The following XRCC4 variants were observed in gnomAD, a reference collection of about 807,000 sequenced individuals.
XRCC4 encodes DNA repair protein XRCC4.
Under a neutral mutation model 39.1 loss-of-function variants are expected in XRCC4, and 28 were observed. The observed-to-expected ratio is 0.72, with a 90% CI of 0.53 to 0.98. The LOEUF (loss-of-function observed/expected upper bound fraction) is 0.98. Among genes scored for constraint, XRCC4 ranks in the 50% least tolerant of loss-of-function variants. The pLI is 0.00. For missense variants in XRCC4, 350 were observed against 376.4 expected (o/e 0.93, Z 0.58); for synonymous variants, 123 against 126.4 (o/e 0.97, Z 0.18).
intron 7 of XRCC4, among the ~76,000 whole-genome samples, chr5:83,296,951 TACAG>T (rs1436542103): frequency 6.6e-6 from 1 of 151,934 alleles, no homozygotes; most frequent in Non-Finnish European, 1.5e-5. Context: ...GGTGCAATCT[TACAG>T]ACAATTGCCA....
At chr5:83,349,243 A>G (rs985775910) in intron 7 of XRCC4, among the ~76,000 whole-genome samples, 8 of 151,856 alleles carry the variant, frequency 5.3e-5, no homozygotes, top group African/African-American at 1.9e-4. Context: ...TGATCCAATC[A>G]CCTCCCAACA....
chr5:83,312,187 G>A (rs975257690), intron 7 of XRCC4, among the ~76,000 whole-genome samples: 6 of 152,164 alleles, frequency 3.9e-5, no homozygotes, highest in African/African-American at 1.4e-4. Context: ...TGAGTTAAGA[G>A]GATACCCTTT....
At chr5:83,247,593 A>T (rs1168799142) in intron 6 of XRCC4, among the ~76,000 whole-genome samples, 1 of 152,226 alleles carries the variant, frequency 6.6e-6, no homozygotes, top group Non-Finnish European at 1.5e-5. Context: ...TATGTCATCC[A>T]CAGAAGATCA....
intron 3 of XRCC4, among the ~76,000 whole-genome samples, chr5:83,129,329 G>T (rs1409276149): frequency 7.9e-5 from 12 of 151,424 alleles, no homozygotes; most frequent in African/African-American, 2.9e-4. Flanking sequence ...TGTTCCATTG[G>T]TCTATACCTC....
intron 5 of XRCC4, among the ~76,000 whole-genome samples, chr5:83,203,993 A>T (rs1429877583): frequency 1.3e-5 from 2 of 151,682 alleles, no homozygotes; most frequent in Non-Finnish European, 2.9e-5. Context: ...ATACTAATTT[A>T]AAAAAAAACT....
downstream of XRCC4, among the ~76,000 whole-genome samples, chr5:83,354,078 G>A (rs1757161344): frequency 6.6e-6 from 1 of 152,130 alleles, no homozygotes; most frequent in Non-Finnish European, 1.5e-5. Flanking sequence ...GCTACTCAAA[G>A]TTAACAACAT....
At chr5:83,147,527 GA>G (rs1208967702) in intron 3 of XRCC4, among the ~76,000 whole-genome samples, 1 of 152,132 alleles carries the variant, frequency 6.6e-6, no homozygotes, top group East Asian at 1.9e-4. Flanking sequence ...GCAGAGAGTA[GA>G]ATGATGGTTA....
intron 3 of XRCC4, among the ~76,000 whole-genome samples, chr5:83,178,643 G>A (rs974470313): frequency 4.0e-5 from 6 of 151,790 alleles, no homozygotes; most frequent in African/African-American, 1.5e-4. Flanking sequence ...AAGGGGAGGA[G>A]GAAGGCAGTA....
intron 3 of XRCC4, among the ~76,000 whole-genome samples, chr5:83,114,665 C>T (rs1746622942): frequency 6.6e-6 from 1 of 152,168 alleles, no homozygotes; most frequent in African/African-American, 2.4e-5. Context: ...GTCTTCTGAG[C>T]CCTCAAGTCT....
chr5:83,135,470 A>T (rs7738033), intron 3 of XRCC4, among the ~76,000 whole-genome samples: 85,178 of 151,152 alleles, frequency 0.56, 24,783 homozygotes, highest in African/African-American at 0.71. Flanking sequence ...ATAATATGCC[A>T]TGATGTAGTT....
At chr5:83,282,049 C>T (rs1212434143) in intron 7 of XRCC4, among the ~76,000 whole-genome samples, 1 of 152,112 alleles carries the variant, frequency 6.6e-6, no homozygotes, top group Non-Finnish European at 1.5e-5. Context: ...GCCTATTTGG[C>T]ATCATAAATA....
At chr5:83,139,453 TTAA>T (rs1748063987) in intron 3 of XRCC4, among the ~76,000 whole-genome samples, 1 of 152,232 alleles carries the variant, frequency 6.6e-6, no homozygotes, top group South Asian at 2.1e-4. Context: ...CCTTTTGTAA[TTAA>T]TAAGTATCTT....
intron 7 of XRCC4, among the ~76,000 whole-genome samples, chr5:83,352,845 T>A (rs1757119415): frequency 6.6e-6 from 1 of 152,186 alleles, no homozygotes; most frequent in African/African-American, 2.4e-5. Context: ...TAAAAGTGAT[T>A]ATAGCACAGA....
intron 7 of XRCC4, among the ~76,000 whole-genome samples, chr5:83,272,185 G>C (rs1288441152): frequency 6.6e-6 from 1 of 152,102 alleles, no homozygotes; most frequent in Admixed American, 6.5e-5. Context: ...CAAGCTAAAA[G>C]AGCCTAAGTT....
intron 4 of XRCC4, among the ~76,000 whole-genome samples, chr5:83,198,866 G>A (rs1486489796): frequency 1.3e-5 from 2 of 152,146 alleles, no homozygotes; most frequent in African/African-American, 4.8e-5. Context: ...TGTAGATAAA[G>A]GAGGAAACAT....
chr5:83,112,775 C>G (rs991265080), intron 3 of XRCC4, among the ~76,000 whole-genome samples: 4 of 123,206 alleles, frequency 3.2e-5, no homozygotes, highest in African/African-American at 9.7e-5. Flanking sequence ...ATCATTAGAT[C>G]TCATGAGACT....
chr5:83,309,755 CAAAAAAAAAAAAA>C lies in XRCC4; in HGVS notation c.894-43362_894-43350del, dbSNP rs10597317. Among the ~76,000 whole-genome samples, 5 of 79,052 alleles carry C rather than the reference CAAAAAAAAAAAAA, an allele frequency of 6.3e-5. 1 individual carries two copies. Among genetic ancestry groups the C allele is most frequent in the African/African-American group, 2.2e-4 (5 of 22,236 alleles). The allele number at this position is 79,052 out of a possible 152,430, so 51.9% of individuals were successfully genotyped here. On this transcript the variant is annotated intron_variant, in intron 7 of 7. Coordinates refer to ENST00000396027, the MANE Select transcript of XRCC4 (RefSeq NM_003401.5). ...CTGGGCGACAGAGTGAGACCCGTCT[CAAAAAAAAAAAAA>C]AAAAAAAAAAAAAGGGATTAAGGTT...
chr5:83,371,170 C>T, the XRCC4 span, among the ~76,000 whole-genome samples: 1 of 152,306 alleles, frequency 6.6e-6, no homozygotes, highest in African/African-American at 2.4e-5. Context: ...AAGCTCCCTT[C>T]ATCCTCTGGC....
At chr5:83,149,444 G>A (rs980944089) in intron 3 of XRCC4, among the ~76,000 whole-genome samples, 47 of 149,388 alleles carry the variant, frequency 3.1e-4, no homozygotes, top group African/African-American at 1.1e-3. Context: ...TACTTTAATA[G>A]GATAATAATT....
Sources: gnomAD v4.1 joint callset for allele counts (sites outside exome capture counted in the v4.1 genomes callset) on GRCh38, gnomAD v4.1.1 for gene constraint, MANE v1.5 for transcripts, NCBI Gene and HGNC (gene_info 2026-07-23, HGNC 2026-07-21) for gene names.